Variants in GSPT1 observed in about 807,000 individuals in gnomAD.
GSPT1 encodes the protein eukaryotic peptide chain release factor GTP-binding subunit ERF3A.
Under a neutral mutation model 72.5 loss-of-function variants are expected in GSPT1, and 20 were observed. That is an observed-to-expected ratio of 0.28 (90% confidence interval 0.19 to 0.40). The LOEUF (loss-of-function observed/expected upper bound fraction) is 0.40. Among genes scored for constraint, GSPT1 ranks in the 10% least tolerant of loss-of-function variants. The probability of loss-of-function intolerance (pLI) is 1.00; values close to 1 mark genes in which losing one functional copy is unlikely to be tolerated. For missense variants in GSPT1, 580 were observed against 811.9 expected, an observed-to-expected ratio of 0.71 and a Z score of 3.47; for synonymous variants, 334 against 293.5, an observed-to-expected ratio of 1.14 and a Z score of -1.41.
At chr16:11,876,283 G>C in intron 12 of GSPT1, 108 bp from the exon 13 acceptor site, 1 of 747,990 alleles carries the variant, frequency 1.3e-6, no homozygotes, top group South Asian at 1.5e-5. Context: ...ATCTCACTAG[G>C]ACATCAACTT....
At chr16:11,876,507 G>T (rs1410485980) in intron 12 of GSPT1, among the ~76,000 whole-genome samples, 3 of 152,112 alleles carry the variant, frequency 2.0e-5, no homozygotes, top group African/African-American at 7.2e-5. Context: ...AGGCGGCAGG[G>T]GGGCCGGGGG....
intron 1 of GSPT1, among the ~76,000 whole-genome samples, chr16:11,912,705 A>T (rs1391398587): frequency 1.3e-5 from 2 of 152,234 alleles, no homozygotes; most frequent in African/African-American, 4.8e-5. Context: ...CAACTTAAAT[A>T]CATCCTATCA....
chr16:11,903,265 C>T (rs1596472980), intron 1 of GSPT1, among the ~76,000 whole-genome samples: 1 of 152,212 alleles, frequency 6.6e-6, no homozygotes, highest in Admixed American at 6.5e-5. Context: ...AATCCCAGCA[C>T]TTTGGGAGGC....
intron 5 of GSPT1, among the ~76,000 whole-genome samples, chr16:11,893,588 A>G (rs2054297045): frequency 6.6e-6 from 1 of 152,170 alleles, no homozygotes; most frequent in Non-Finnish European, 1.5e-5. Flanking sequence ...CCTTGACTCA[A>G]TCCAATTCAA....
intron 10 of GSPT1, 65 bp from the exon 11 acceptor site, chr16:11,883,160 C>T (rs895212289): frequency 2.1e-6 from 2 of 961,826 alleles, no homozygotes; most frequent in African/African-American, 3.2e-5. Flanking sequence ...CTCAATAGCC[C>T]AAAGTGAAAT....
intron 11 of GSPT1, chr16:11,882,010 TG>T (rs2054128699): frequency 6.6e-6 from 1 of 152,180 alleles, no homozygotes. Context: ...GGGCTGGGTG[TG>T]GTGGCTCAAG....
intron 1 of GSPT1, among the ~76,000 whole-genome samples, chr16:11,907,263 T>G (rs1019559466): frequency 5.9e-5 from 9 of 152,146 alleles, no homozygotes; most frequent in African/African-American, 2.2e-4. Context: ...TAATACAAAA[T>G]CACAAGGAAA....
chr16:11,912,950 C>T (rs1028438694), intron 1 of GSPT1, among the ~76,000 whole-genome samples: 1 of 152,216 alleles, frequency 6.6e-6, no homozygotes, highest in Non-Finnish European at 1.5e-5. Context: ...CAAGGTCTGA[C>T]TCTCCAGGCT....
intron 1 of GSPT1, among the ~76,000 whole-genome samples, chr16:11,904,916 C>T (rs188089869): frequency 1.2e-4 from 18 of 152,200 alleles, no homozygotes; most frequent in African/African-American, 2.9e-4. Context: ...GAGACTTCGT[C>T]CTTACAAAAA....
chr16:11,907,999 T>C (rs529556695), intron 1 of GSPT1, among the ~76,000 whole-genome samples: 40 of 152,310 alleles, frequency 2.6e-4, no homozygotes, highest in African/African-American at 9.4e-4. Context: ...CCCAGCACTT[T>C]GGGAGGCTGA....
intron 3 of GSPT1, among the ~76,000 whole-genome samples, chr16:11,897,033 C>T (rs2054349015): frequency 6.6e-6 from 1 of 152,120 alleles, no homozygotes; most frequent in African/African-American, 2.4e-5. Context: ...AGCAAAGCTT[C>T]ATTTTCATAA....
chr16:11,912,641 A>G (rs1460596329), intron 1 of GSPT1, among the ~76,000 whole-genome samples: 1 of 152,196 alleles, frequency 6.6e-6, no homozygotes, highest in African/African-American at 2.4e-5. Flanking sequence ...AAGTAACCCT[A>G]AAATTACTAA....
chr16:11,916,021 AC>A, upstream of GSPT1: 2 of 652,270 alleles, frequency 3.1e-6, no homozygotes, highest in South Asian at 2.8e-5. Flanking sequence ...GCGCGGATTG[AC>A]CCCTCGCCGC....
At chr16:11,885,339 G>A (rs944647427) in intron 9 of GSPT1, 65 bp from the exon 10 acceptor site, 16 of 763,022 alleles carry the variant, frequency 2.1e-5, no homozygotes, top group Non-Finnish European at 3.7e-5. Flanking sequence ...TAAGTTACAT[G>A]ACTATAAACA....
intron 1 of GSPT1, among the ~76,000 whole-genome samples, chr16:11,902,555 T>C (rs1369976108): frequency 6.6e-6 from 1 of 151,866 alleles, no homozygotes; most frequent in Non-Finnish European, 1.5e-5. Context: ...ACACCAGTAC[T>C]GCCTGTGATA....
chr16:11,868,656 G>A lies in GSPT1; in HGVS notation c.*4463C>T, dbSNP rs2053945797. 1.3e-5 allele frequency: 2 copies of A among 152,228 alleles called. No homozygotes were observed. The highest frequency in any genetic ancestry group is 2.9e-5 in the Non-Finnish European group (2 of 68,090). The allele number at this position is 152,228 out of a possible 1,614,324, so 9.4% of individuals were successfully genotyped here. A position where few individuals can be genotyped will look rare whatever the true frequency, so the allele number is the denominator to read the frequency against. ...TCTTCCCTGGGCAGCAGGAAAAGGA[G>A]GTAACAAGGACTTGGGCTGACATCT... is the stretch of plus-strand genomic sequence containing the variant. On this transcript the variant is annotated 3_prime_UTR_variant, in exon 15 of 15. Transcript: ENST00000434724.
intron 10 of GSPT1, among the ~76,000 whole-genome samples, chr16:11,884,806 C>T (rs530956611): frequency 6.6e-6 from 1 of 150,848 alleles, no homozygotes; most frequent in East Asian, 2.0e-4. Flanking sequence ...GTGGCTCACG[C>T]CTGTAATCCC....
In GSPT1 at chr16:11,886,736, C is replaced by G. The variant is rs537965720; in HGVS notation, c.1112+41G>C. On this transcript the variant is annotated intron_variant, in intron 8 of 14. Coordinates refer to ENST00000434724, the MANE Select transcript of GSPT1 (RefSeq NM_002094.4). ...AAAGTCGTACAATAACAAAACCATC[C>G]TTAATCCCACTAACATAAAATACCA... 7 of 1,591,644 alleles carry G rather than the reference C, an allele frequency of 4.4e-6. No homozygotes were observed. The East Asian group carries it at 8.9e-5, about 20-fold the overall frequency.
intron 6 of GSPT1, among the ~76,000 whole-genome samples, chr16:11,888,935 C>T (rs2141289377): frequency 6.6e-6 from 1 of 152,222 alleles, no homozygotes; most frequent in African/African-American, 2.4e-5. Flanking sequence ...TAATGAGCTC[C>T]CTTATTACTT....
Sources: gnomAD v4.1 joint callset for allele counts (sites outside exome capture counted in the v4.1 genomes callset) on GRCh38, gnomAD v4.1.1 for gene constraint, MANE v1.5 for transcripts, NCBI Gene and HGNC (gene_info 2026-07-23, HGNC 2026-07-21) for gene names.